ERCC8: variants seen among roughly 807,000 people sequenced by gnomAD.
The protein encoded by ERCC8 is ERCC excision repair 8, CSA ubiquitin ligase complex subunit.
A neutral mutation model predicts 54.9 loss-of-function variants in ERCC8; 52 were observed. That is an observed-to-expected ratio of 0.95 (90% CI 0.76 to 1.19). ERCC8 has a LOEUF of 1.19. Ranked by LOEUF, ERCC8 falls within the 50% of genes most tolerant of loss-of-function variation. ERCC8 has a pLI of 0.00. For missense variants in ERCC8, 514 were observed against 466.1 expected, an observed-to-expected ratio of 1.10 and a Z score of -0.95; for synonymous variants, 146 against 157.2, an observed-to-expected ratio of 0.93 and a Z score of 0.53.
chr5:60,912,395 CTGTTAT>C (rs1749295414), intron 4 of ERCC8, among the ~76,000 whole-genome samples: 1 of 151,976 alleles, frequency 6.6e-6, no homozygotes, highest in African/African-American at 2.4e-5. Context: ...CTCTGTTTGT[CTGTTAT>C]TGGTATATAG....
In ERCC8 at chr5:60,873,686, A is replaced by C. The variant is rs974290730; in HGVS notation, c.*929T>G. 2.6e-5 allele frequency: 4 copies of C among 152,274 alleles called. No homozygotes were observed. Among genetic ancestry groups the C allele is most frequent in the Non-Finnish European group, 4.4e-5 (3 of 68,114 alleles). The allele number at this position is 152,274 out of a possible 1,614,324, so 9.4% of individuals were successfully genotyped here. A position where few individuals can be genotyped will look rare whatever the true frequency, so the allele number is the denominator to read the frequency against. On this transcript the variant is annotated 3_prime_UTR_variant, in exon 12 of 12. Coordinates refer to ENST00000676185, the MANE Select transcript of ERCC8 (RefSeq NM_000082.4). ...AGTGAAACTCCATCTCAGGAAAAAA[A>C]CAAAAAAACAAAAAACCCTCAACAA...
intron 1 of ERCC8, among the ~76,000 whole-genome samples, chr5:60,934,403 T>C (rs1282377871): frequency 2.6e-5 from 4 of 152,206 alleles, no homozygotes; most frequent in Non-Finnish European, 5.9e-5. Context: ...TGTCTATCCA[T>C]GTCAGCCCAC....
chr5:60,902,295 T>C lies in ERCC8; in HGVS notation c.617+147A>G, dbSNP rs573706329. 201 of 646,688 alleles carry C rather than the reference T, an allele frequency of 3.1e-4. 2 individuals are homozygous for C. The highest frequency in any genetic ancestry group is 1.2e-4 in the Non-Finnish European group (43 of 371,924). 40.1% of individuals were successfully genotyped at this position (646,688 alleles called of 1,614,324 possible). On this transcript the variant is annotated intron_variant, in intron 7 of 11. Transcript: ENST00000676185. ...CAAAGGAAGATTTCTTTTGGTGACA[T>C]GAATTAAAATTTCTAAGTCAATACT...
intron 11 of ERCC8, among the ~76,000 whole-genome samples, chr5:60,875,854 G>A (rs1047402554): frequency 1.3e-5 from 2 of 151,396 alleles, no homozygotes; most frequent in African/African-American, 2.4e-5. Flanking sequence ...CTGCCACCAC[G>A]CCTGGATAAT....
chr5:60,878,790 T>C (rs1748104828), intron 11 of ERCC8, among the ~76,000 whole-genome samples: 1 of 152,218 alleles, frequency 6.6e-6, no homozygotes, highest in Non-Finnish European at 1.5e-5. Flanking sequence ...TAGTGGTCTA[T>C]CAATTTTGTT....
chr5:60,923,251 T>C (rs1051351302), intron 2 of ERCC8, among the ~76,000 whole-genome samples: 1 of 152,146 alleles, frequency 6.6e-6, no homozygotes, highest in African/African-American at 2.4e-5. Flanking sequence ...TTCTAAAAAG[T>C]AAAAGTAACA....
rs1579976785 is a variant in ERCC8, at chr5:60,873,185, C to T, written c.*1430G>A. On this transcript the variant is annotated 3_prime_UTR_variant, in exon 12 of 12. Coordinates refer to ENST00000676185, the MANE Select transcript of ERCC8 (RefSeq NM_000082.4). ...AAGTGTTCTTACCACAAAATGGTAACCATGTGAGGCATATGTCAGTTAGCT... is the reference window on the plus strand; with the variant it reads ...AAGTGTTCTTACCACAAAATGGTAATCATGTGAGGCATATGTCAGTTAGCT... Among the ~76,000 whole-genome samples the T allele has an allele frequency of 3.3e-5, 5 of 152,160 alleles. No homozygotes were observed. The South Asian group carries it at 1.0e-3, about 32-fold the overall frequency.
At chr5:60,938,681 A>G (rs929913706) in intron 1 of ERCC8, among the ~76,000 whole-genome samples, 2 of 152,218 alleles carry the variant, frequency 1.3e-5, no homozygotes, top group African/African-American at 4.8e-5. Flanking sequence ...CTTAGTGGCC[A>G]AGAACAATTT....
At chr5:60,900,599 G>T (rs1478683623) in intron 7 of ERCC8, 1 of 151,958 alleles carries the variant, frequency 6.6e-6, no homozygotes, top group Non-Finnish European at 1.5e-5. Flanking sequence ...TCTTTTCACA[G>T]ATGACCATCA....
In ERCC8 at chr5:60,873,325, T is replaced by C. The variant is rs1187472946; in HGVS notation, c.*1290A>G. Among the ~76,000 whole-genome samples the C allele has an allele frequency of 6.6e-6, 1 of 152,152 alleles. No individual in the cohort carries two copies. Among genetic ancestry groups the C allele is most frequent in the Non-Finnish European group, 1.5e-5 (1 of 68,018 alleles). ...AAAATCAATTGTAAAAGCAAGTGTTTGGAAAACATTTAGCTGGAAAGGTCT... is the reference window on the plus strand; with the variant it reads ...AAAATCAATTGTAAAAGCAAGTGTTCGGAAAACATTTAGCTGGAAAGGTCT... On this transcript the variant is annotated 3_prime_UTR_variant, in exon 12 of 12. Coordinates refer to ENST00000676185, the MANE Select transcript of ERCC8 (RefSeq NM_000082.4).
chr5:60,893,298 T>C (rs1416647645), intron 9 of ERCC8: 3 of 943,488 alleles, frequency 3.2e-6, no homozygotes, highest in Non-Finnish European at 5.3e-6. Flanking sequence ...ACTTCTTCCT[T>C]ACACTGAAAC....
intron 4 of ERCC8, 101 bp downstream of exon 4, chr5:60,918,164 T>C: frequency 3.2e-6 from 3 of 944,918 alleles, no homozygotes; most frequent in Non-Finnish European, 5.1e-6. Flanking sequence ...CTTTCACATC[T>C]AACATATATG....
intron 11 of ERCC8, among the ~76,000 whole-genome samples, chr5:60,882,380 T>C (rs1441322381): frequency 6.6e-6 from 1 of 152,180 alleles, no homozygotes; most frequent in Non-Finnish European, 1.5e-5. Flanking sequence ...ATACTCCAAA[T>C]GTCCAGAAGC....
At chr5:60,940,617 T>A (rs1750229669) in intron 1 of ERCC8, among the ~76,000 whole-genome samples, 1 of 152,176 alleles carries the variant, frequency 6.6e-6, no homozygotes, top group African/African-American at 2.4e-5. Flanking sequence ...GAGGCATGCA[T>A]AGATCTAACC....
intron 11 of ERCC8, among the ~76,000 whole-genome samples, chr5:60,878,511 T>G (rs1748090147): frequency 6.6e-6 from 1 of 152,206 alleles, no homozygotes; most frequent in South Asian, 2.1e-4. Flanking sequence ...TGGACTTTTT[T>G]TGGTTGGTAA....
intron 11 of ERCC8, among the ~76,000 whole-genome samples, chr5:60,877,684 G>A (rs1211745564): frequency 6.6e-6 from 1 of 152,108 alleles, no homozygotes; most frequent in African/African-American, 2.4e-5. Context: ...TCTGTTATTG[G>A]TGTATAAGAA....
At chr5:60,930,885 T>C in intron 1 of ERCC8, among the ~76,000 whole-genome samples, 1 of 152,034 alleles carries the variant, frequency 6.6e-6, no homozygotes, top group Non-Finnish European at 1.5e-5. Context: ...GGAGGCCGGA[T>C]CACTTGAGGT....
At chr5:60,907,740 C>T (rs1215870465) in intron 4 of ERCC8, among the ~76,000 whole-genome samples, 2 of 152,092 alleles carry the variant, frequency 1.3e-5, no homozygotes, top group African/African-American at 2.4e-5. Context: ...ATCTTAACAC[C>T]GCTTCCCTAA....
chr5:60,928,280 T>C (rs1749809570), intron 2 of ERCC8, among the ~76,000 whole-genome samples: 2 of 152,322 alleles, frequency 1.3e-5, no homozygotes, highest in East Asian at 1.9e-4. Context: ...TTTTGATTAA[T>C]AGTGGCAGCA....
Sources: allele counts gnomAD v4.1 joint callset (sites outside exome capture counted in the v4.1 genomes callset), GRCh38; gene constraint gnomAD v4.1.1; transcripts MANE v1.5; gene names NCBI Gene and HGNC (gene_info 2026-07-23, HGNC 2026-07-21).